Variants in MAP1LC3A observed in about 807,000 individuals in gnomAD.
MAP1LC3A encodes the protein microtubule associated protein 1 light chain 3 alpha.
Under a neutral mutation model 15.2 loss-of-function variants are expected in MAP1LC3A, and 10 were observed. The ratio of observed to expected loss-of-function variants is 0.66; its 90% CI spans 0.41 to 1.12. The LOEUF (loss-of-function observed/expected upper bound fraction) is 1.12. Among genes scored for constraint, MAP1LC3A ranks in the 50% most tolerant of loss-of-function variants. MAP1LC3A has a pLI of 0.00. For missense variants in MAP1LC3A, 138 were observed against 167.3 expected, an observed-to-expected ratio of 0.82 and a Z score of 0.97; for synonymous variants, 63 against 64.3, an observed-to-expected ratio of 0.98 and a Z score of 0.10.
intron 1 of MAP1LC3A, among the ~76,000 whole-genome samples, chr20:34,548,854 C>G (rs1051475996): frequency 1.3e-5 from 2 of 151,628 alleles, no homozygotes; most frequent in African/African-American, 4.9e-5. Context: ...TACAGGCGCC[C>G]GCCACCATGC....
upstream of MAP1LC3A, among the ~76,000 whole-genome samples, chr20:34,555,844 TTC>T (rs1491349578): frequency 2.0e-5 from 3 of 148,360 alleles, no homozygotes; most frequent in Non-Finnish European, 4.5e-5. Context: ...CAAGTTTTCT[TTC>T]TTTTTTTTTT....
upstream of MAP1LC3A, among the ~76,000 whole-genome samples, chr20:34,556,000 G>A (rs1252877762): frequency 6.6e-6 from 1 of 151,690 alleles, no homozygotes; most frequent in African/African-American, 2.4e-5. Context: ...CCGCCACCAC[G>A]CCCAGCTAAT....
intron 2 of MAP1LC3A, chr20:34,550,033 T>G (rs771918990): frequency 6.8e-6 from 11 of 1,614,006 alleles, no homozygotes; most frequent in Non-Finnish European, 9.3e-6. Flanking sequence ...GACCCAGGTC[T>G]GTCTGGCCCG....
upstream of MAP1LC3A, among the ~76,000 whole-genome samples, chr20:34,556,511 G>A (rs1439980784): frequency 6.6e-6 from 1 of 151,160 alleles, no homozygotes; most frequent in African/African-American, 2.4e-5. Flanking sequence ...TGGTTGTTTG[G>A]TTTATTAGTT....
intron 1 of MAP1LC3A, chr20:34,549,855 T>TC: frequency 1.3e-6 from 1 of 763,386 alleles, no homozygotes; most frequent in Non-Finnish European, 2.3e-6. Context: ...CCAGAGTCAG[T>TC]CCCTCCTGCC....
upstream of MAP1LC3A, chr20:34,557,974 T>C: frequency 1.1e-5 from 4 of 373,668 alleles, no homozygotes; most frequent in Non-Finnish European, 1.4e-5. Context: ...CTGCGCATTC[T>C]GCTCTGGATT....
upstream of MAP1LC3A, among the ~76,000 whole-genome samples, chr20:34,554,383 T>C (rs933927700): frequency 2.6e-5 from 1 of 37,856 alleles, no homozygotes. Context: ...TTTTTTTTTT[T>C]TTTTTTTTTT....
chr20:34,554,354 G>GTTTTT (rs537779341), upstream of MAP1LC3A, among the ~76,000 whole-genome samples: 41 of 106,156 alleles, frequency 3.9e-4, 1 homozygote, highest in South Asian at 6.8e-4. Context: ...TATACGTTGG[G>GTTTTT]TTTTTTTTTT....
At chr20:34,548,185 T>G (rs902818066) in intron 1 of MAP1LC3A, among the ~76,000 whole-genome samples, 1 of 152,170 alleles carries the variant, frequency 6.6e-6, no homozygotes, top group East Asian at 1.9e-4. Context: ...AAGAGATGAC[T>G]TCCTTTGGAC....
At chr20:34,552,268 G>A (rs902162727) in intron 2 of MAP1LC3A, among the ~76,000 whole-genome samples, 5 of 152,256 alleles carry the variant, frequency 3.3e-5, no homozygotes, top group African/African-American at 1.2e-4. Context: ...AAAAGTGCTT[G>A]GGTTACAGGC....
intron 1 of MAP1LC3A, 45 bp from the exon 2 acceptor site, chr20:34,559,163 C>T: frequency 6.6e-7 from 1 of 1,509,510 alleles, no homozygotes; most frequent in Non-Finnish European, 8.8e-7. Context: ...CGGGGCGGAC[C>T]TGGGCCGGCC....
At chr20:34,553,640 T>C (rs1413137712) in intron 2 of MAP1LC3A, among the ~76,000 whole-genome samples, 1 of 152,212 alleles carries the variant, frequency 6.6e-6, no homozygotes, top group African/African-American at 2.4e-5. Context: ...GTCGGCAAAC[T>C]AAGGCCCTCA....
At chr20:34,553,807 T>C (rs1982038170), upstream of MAP1LC3A, among the ~76,000 whole-genome samples, 1 of 152,200 alleles carries the variant, frequency 6.6e-6, no homozygotes, top group African/African-American at 2.4e-5. Context: ...AAGGGAAACA[T>C]TTGCCGACTC....
Position 34,560,008 on chromosome 20 carries a change from G to T in MAP1LC3A, c.*110G>T. On this transcript the variant is annotated 3_prime_UTR_variant, in exon 4 of 4. Coordinates refer to ENST00000360668, the MANE Select transcript of MAP1LC3A (RefSeq NM_032514.4). The stretch of plus-strand genomic sequence containing the variant: ...GCCTCTACCGTGGTGGGCTGGGCAG[G>T]CATGTGCCCCCCTAGTCAGAGGGCA... 8.3e-7 allele frequency: 1 copy of T among 1,203,826 alleles called. No individual in the cohort carries two copies. The highest frequency in any genetic ancestry group is 2.7e-5 in the Admixed American group (1 of 36,770). The allele number at this position is 1,203,826 out of a possible 1,614,324, so 74.6% of individuals were successfully genotyped here.
In MAP1LC3A at chr20:34,558,861, C is replaced by T; in HGVS notation, c.-8C>T. 1 of 1,438,684 alleles carries T rather than the reference C, an allele frequency of 7.0e-7. No homozygotes were observed. The highest frequency in any genetic ancestry group is 2.9e-5 in the Admixed American group (1 of 34,942). 89.1% of individuals were successfully genotyped at this position (1,438,684 alleles called of 1,614,324 possible). A position where few individuals can be genotyped will look rare whatever the true frequency, so the allele number is the denominator to read the frequency against. ...GCCCCGGCCTGCGCGCCCAGCCGGG[C>T]CCGCGCGATGCCCTCAGACCGGCCT... On this transcript the variant is annotated 5_prime_UTR_variant, in exon 1 of 4. Coordinates refer to ENST00000360668, the MANE Select transcript of MAP1LC3A (RefSeq NM_032514.4). The surrounding 1 kb of genome is among the most constrained non-coding windows in gnomAD (Gnocchi z 4.3).
Position 34,559,197 on chromosome 20 carries a change from G to A in MAP1LC3A, c.41-11G>A, listed in dbSNP as rs1445978429. 6.3e-7 allele frequency: 1 copy of A among 1,582,572 alleles called. No homozygotes were observed. ...CCCGACCCGGCCTCACGGTCTGGCC[G>A]CTGTCCGCAGCCGACCGCTGTAAGG... is the stretch of plus-strand genomic sequence containing the variant. On this transcript the variant is annotated splice_polypyrimidine_tract_variant and intron_variant, in intron 1 of 3. Transcript: ENST00000360668.
intron 2 of MAP1LC3A, among the ~76,000 whole-genome samples, chr20:34,551,467 C>CCT (rs1981945764): frequency 1.9e-5 from 2 of 104,812 alleles, no homozygotes; most frequent in African/African-American, 7.6e-5. Flanking sequence ...GAACGCTGTC[C>CCT]TTTTTTTTTT....
At chr20:34,549,949 G>C (rs765590589) in exon 2 of MAP1LC3A, 24 of 1,611,222 alleles carry the variant, frequency 1.5e-5, no homozygotes, top group Non-Finnish European at 2.0e-5. Flanking sequence ...CACCTCAGAG[G>C]TAGTTCTGAC....
upstream of MAP1LC3A, among the ~76,000 whole-genome samples, chr20:34,557,600 C>G (rs4911430): frequency 0.82 from 124,041 of 152,156 alleles, 51,029 homozygotes; most frequent in Admixed American, 0.91. Context: ...CTTTTGGGTT[C>G]CATGTCCTTG....
Sources: gnomAD v4.1 joint callset for allele counts (sites outside exome capture counted in the v4.1 genomes callset) on GRCh38, gnomAD v4.1.1 for gene constraint, Gnocchi (gnomAD v3.1) non-coding constraint, MANE v1.5 for transcripts, NCBI Gene and HGNC (gene_info 2026-07-23, HGNC 2026-07-21) for gene names.